The following C2CD5 variants were observed in gnomAD, a reference collection of about 807,000 sequenced individuals.
C2CD5 encodes the protein C2 domain-containing protein 5.
In C2CD5, 109 loss-of-function variants were observed where a neutral mutation model predicts 130.3. The ratio of observed to expected loss-of-function variants is 0.84; its 90% CI spans 0.72 to 0.98. The LOEUF is 0.98. C2CD5 is among the 50% of genes least tolerant of loss of function. The pLI, the probability that C2CD5 is intolerant of heterozygous loss-of-function variation, is 0.00. For missense variants in C2CD5, 996 were observed against 1,261.8 expected, an observed-to-expected ratio of 0.79 and a Z score of 3.19; for synonymous variants, 454 against 429.2, an observed-to-expected ratio of 1.06 and a Z score of -0.71.
intron 22 of C2CD5, chr12:22,463,650 C>T (rs1273068902): frequency 6.6e-6 from 1 of 152,032 alleles, no homozygotes; most frequent in East Asian, 1.9e-4. Context: ...CACAGTAGTA[C>T]CAAACAAACT....
At chr12:22,452,335 G>A (rs142196895) in intron 26 of C2CD5, among the ~76,000 whole-genome samples, 4 of 152,202 alleles carry the variant, frequency 2.6e-5, no homozygotes, top group Non-Finnish European at 4.4e-5. Context: ...CAAACGATCC[G>A]TGTAGAGGTA....
chr12:22,509,751 A>G (rs1948979254), intron 9 of C2CD5, among the ~76,000 whole-genome samples: 1 of 152,190 alleles, frequency 6.6e-6, no homozygotes, highest in South Asian at 2.1e-4. Flanking sequence ...GGGAAGTACT[A>G]TTATCTCCAT....
intron 15 of C2CD5, among the ~76,000 whole-genome samples, chr12:22,475,670 T>C (rs556684454): frequency 1.3e-5 from 2 of 152,168 alleles, no homozygotes; most frequent in African/African-American, 4.8e-5. Flanking sequence ...CAAAAATATA[T>C]AGTTTTAAAT....
Position 22,470,816 on chromosome 12 carries a change from A to C in C2CD5, c.2446+8T>G. 1 of 1,574,054 alleles carries C rather than the reference A, an allele frequency of 6.4e-7. No homozygotes were observed. Among genetic ancestry groups the C allele is most frequent in the Non-Finnish European group, 8.7e-7 (1 of 1,145,092 alleles). ...ACAAACTGAACTTCCTATTCAGTAA[A>C]GATTTACCTCTTTGCAATGACTTTT... is the stretch of plus-strand genomic sequence containing the variant. On this transcript the variant is annotated splice_region_variant and intron_variant, in intron 21 of 26. Coordinates refer to ENST00000446597, the MANE Select transcript of C2CD5 (RefSeq NM_001286176.2).
At chr12:22,535,447 CA>C in intron 2 of C2CD5, 103 bp from the exon 3 acceptor site, 1 of 661,766 alleles carries the variant, frequency 1.5e-6, no homozygotes, top group Admixed American at 2.5e-5. Flanking sequence ...ATAAAGGGGA[CA>C]AAAGACTATT....
At chr12:22,477,096 ATAAAG>A (rs1239950859) in intron 15 of C2CD5, among the ~76,000 whole-genome samples, 13 of 152,190 alleles carry the variant, frequency 8.5e-5, no homozygotes, top group African/African-American at 3.1e-4. Flanking sequence ...CACATACATA[ATAAAG>A]TAAAAAGAAA....
intron 14 of C2CD5, among the ~76,000 whole-genome samples, chr12:22,481,001 CGCCCTGTT>C (rs1315468339): frequency 2.0e-5 from 3 of 152,006 alleles, no homozygotes; most frequent in African/African-American, 7.2e-5. Flanking sequence ...GATGGGGTTT[CGCCCTGTT>C]GCCCAGACTG....
chr12:22,518,728 T>C (rs183378312), intron 7 of C2CD5, among the ~76,000 whole-genome samples: 16 of 152,322 alleles, frequency 1.1e-4, no homozygotes, highest in Middle Eastern at 3.4e-3. Context: ...GTTTTGTATA[T>C]AAAGAAAATA....
At chr12:22,516,748 TGTAA>T (rs1422274781) in intron 8 of C2CD5, among the ~76,000 whole-genome samples, 1 of 151,770 alleles carries the variant, frequency 6.6e-6, no homozygotes, top group Non-Finnish European at 1.5e-5. Context: ...CAAATAGTAA[TGTAA>T]GTCTTTCTTG....
intron 15 of C2CD5, among the ~76,000 whole-genome samples, chr12:22,476,300 T>C (rs192839654): frequency 2.0e-5 from 3 of 152,172 alleles, no homozygotes; most frequent in East Asian, 1.9e-4. Flanking sequence ...GTAATGTGTA[T>C]AGTGGCCTGG....
In C2CD5 at chr12:22,517,891, CA is replaced by C. The variant is rs1490553145; in HGVS notation, c.952+94del. The C allele has an allele frequency of 6.6e-6, 7 of 1,068,242 alleles. No homozygotes were observed. The Admixed American group carries it at 9.8e-5, about 15-fold the overall frequency. 66.2% of individuals were successfully genotyped at this position (1,068,242 alleles called of 1,614,324 possible). On this transcript the variant is annotated intron_variant, in intron 8 of 26. Transcript: ENST00000446597. ...CACATTTTCTTTTTAACTTAAGTGC[CA>C]AAAACAAGAGGAAAGATTTGGATGG...
chr12:22,507,074 C>T (rs1948640261), intron 9 of C2CD5: 1 of 287,146 alleles, frequency 3.5e-6, no homozygotes, highest in South Asian at 6.2e-5. Flanking sequence ...AAAAAGTGTT[C>T]CTTCAATTTA....
intron 11 of C2CD5, among the ~76,000 whole-genome samples, chr12:22,491,890 C>T (rs1946401080): frequency 1.3e-5 from 2 of 148,884 alleles, no homozygotes; most frequent in Admixed American, 6.7e-5. Flanking sequence ...AAAAAAAAAA[C>T]GACAACAACA....
intron 2 of C2CD5, among the ~76,000 whole-genome samples, chr12:22,538,629 A>G (rs1213608962): frequency 6.6e-6 from 1 of 152,240 alleles, no homozygotes; most frequent in Non-Finnish European, 1.5e-5. Context: ...AGTAATCTGT[A>G]TCCCCCTTTC....
intron 14 of C2CD5, among the ~76,000 whole-genome samples, chr12:22,482,149 C>T (rs1944823670): frequency 6.6e-6 from 1 of 152,102 alleles, no homozygotes; most frequent in Non-Finnish European, 1.5e-5. Context: ...TGGGGGGATG[C>T]TACTAGCTTA....
In C2CD5 at chr12:22,482,655, T is replaced by TCA; in HGVS notation, c.1638_1639insTG (p.Thr547Ter). 6.2e-7 allele frequency: 1 copy of TCA among 1,612,536 alleles called. No homozygotes were observed. The highest frequency in any genetic ancestry group is 2.2e-5 in the East Asian group (1 of 44,808). ...AGTTTTAGTTTATTCATTAGCTGAG[T>TCA]ATGCACTTCATATTCCATAAATGGC... On this transcript the variant is annotated frameshift_variant, in exon 14 of 27. Transcript: ENST00000446597. LOFTEE classifies it high-confidence loss of function.
chr12:22,472,411 A>G, intron 17 of C2CD5, 64 bp from the exon 18 acceptor site: 1 of 875,868 alleles, frequency 1.1e-6, no homozygotes, highest in South Asian at 1.6e-5. Flanking sequence ...GTTAAATGAC[A>G]TTTTTCAATT....
At chr12:22,488,831 C>A (rs1048225425) in intron 12 of C2CD5, among the ~76,000 whole-genome samples, 1 of 150,772 alleles carries the variant, frequency 6.6e-6, no homozygotes. Context: ...GTTATAAATG[C>A]GTGCAAGTTT....
chr12:22,480,968 G>C (rs765513097), intron 14 of C2CD5, among the ~76,000 whole-genome samples: 20 of 151,924 alleles, frequency 1.3e-4, no homozygotes, highest in Non-Finnish European at 2.1e-4. Context: ...CCACGCCTGG[G>C]TAATTTTTGT....
Sources: allele counts gnomAD v4.1 joint callset (sites outside exome capture counted in the v4.1 genomes callset), GRCh38; gene constraint gnomAD v4.1.1; transcripts MANE v1.5; gene names NCBI Gene and HGNC (gene_info 2026-07-23, HGNC 2026-07-21).